CDK8: variants seen among roughly 807,000 people sequenced by gnomAD.
The protein encoded by CDK8 is cyclin dependent kinase 8.
CDK8 carries 29 observed loss-of-function variants against 71.5 expected under a neutral mutation model. The ratio of observed to expected loss-of-function variants is 0.41; its 90% CI spans 0.30 to 0.55. CDK8 has a LOEUF of 0.55. Among genes scored for constraint, CDK8 ranks in the 20% least tolerant of loss-of-function variants. CDK8 has a pLI of 0.37. For synonymous variants in CDK8, 161 were observed against 192.1 expected (o/e 0.84, Z 1.34); for missense variants, 288 against 572.6 (o/e 0.50, Z 5.07).
intron 2 of CDK8, among the ~76,000 whole-genome samples, chr13:26,348,341 C>T (rs955017354): frequency 5.9e-5 from 9 of 152,046 alleles, no homozygotes; most frequent in South Asian, 2.1e-4. Context: ...GGAATTGGGC[C>T]GTACAGCAGG....
intron 1 of CDK8, among the ~76,000 whole-genome samples, chr13:26,336,518 T>A (rs1408842140): frequency 6.6e-6 from 1 of 151,868 alleles, no homozygotes; most frequent in Non-Finnish European, 1.5e-5. Flanking sequence ...GAACAGCCAT[T>A]TAGGCCTCAG....
At chr13:26,369,066 T>G (rs1004774112) in intron 4 of CDK8, among the ~76,000 whole-genome samples, 2 of 152,184 alleles carry the variant, frequency 1.3e-5, no homozygotes, top group African/African-American at 2.4e-5. Context: ...ATCATGATTT[T>G]ATTAGCCTCA....
At chr13:26,341,074 T>C (rs889350430) in intron 2 of CDK8, among the ~76,000 whole-genome samples, 1 of 152,174 alleles carries the variant, frequency 6.6e-6, no homozygotes, top group African/African-American at 2.4e-5. Flanking sequence ...GGAGCAGAGG[T>C]AAAGCTCTGG....
At chr13:26,325,561 G>A (rs755513994) in intron 1 of CDK8, among the ~76,000 whole-genome samples, 18 of 152,258 alleles carry the variant, frequency 1.2e-4, no homozygotes, top group South Asian at 4.1e-4. Context: ...AAAAGAGCAA[G>A]TTCTTTATAG....
intron 2 of CDK8, among the ~76,000 whole-genome samples, chr13:26,347,633 T>A (rs909344712): frequency 4.6e-5 from 7 of 152,216 alleles, no homozygotes; most frequent in Admixed American, 4.6e-4. Context: ...ACATACTAAA[T>A]AGACATTTCT....
chr13:26,368,670 G>T (rs1874510266), intron 4 of CDK8, among the ~76,000 whole-genome samples: 1 of 152,162 alleles, frequency 6.6e-6, no homozygotes, highest in African/African-American at 2.4e-5. Flanking sequence ...TAATAGAAGT[G>T]ACTTATTTCT....
Position 26,404,478 on chromosome 13 carries a change from C to G in CDK8, c.*397C>G, listed in dbSNP as rs1433239104. ...CATTATCTGACCAATAGTACACACACAGACACAAAGTTTAACTGGTACTTG... is the reference window on the plus strand; with the variant it reads ...CATTATCTGACCAATAGTACACACAGAGACACAAAGTTTAACTGGTACTTG... On this transcript the variant is annotated 3_prime_UTR_variant, in exon 13 of 13. Transcript: ENST00000381527. The G allele has an allele frequency of 8.1e-6, 2 of 246,240 alleles. No homozygotes were observed. Among genetic ancestry groups the G allele is most frequent in the Non-Finnish European group, 1.6e-5 (2 of 125,636 alleles). The allele number at this position is 246,240 out of a possible 1,614,324, so 15.3% of individuals were successfully genotyped here.
intron 1 of CDK8, among the ~76,000 whole-genome samples, chr13:26,293,373 C>A (rs1017041817): frequency 2.0e-5 from 3 of 152,002 alleles, no homozygotes; most frequent in Admixed American, 6.6e-5. Context: ...GCGGCCAAGG[C>A]GGGTGGATTG....
intron 4 of CDK8, among the ~76,000 whole-genome samples, chr13:26,357,558 G>A (rs899680980): frequency 6.6e-6 from 1 of 152,156 alleles, no homozygotes; most frequent in Non-Finnish European, 1.5e-5. Flanking sequence ...AGGGAAAATA[G>A]TTTGACTACC....
At chr13:26,322,881 A>G (rs2137950201) in intron 1 of CDK8, among the ~76,000 whole-genome samples, 1 of 152,272 alleles carries the variant, frequency 6.6e-6, no homozygotes. Context: ...TGTCGATTTT[A>G]TATATCTTTG....
intron 1 of CDK8, among the ~76,000 whole-genome samples, chr13:26,317,777 T>C (rs977829016): frequency 2.0e-5 from 3 of 152,024 alleles, no homozygotes; most frequent in African/African-American, 4.8e-5. Context: ...CCAAAACTTA[T>C]GGGACACAGC....
At chr13:26,369,615 G>A (rs1473868478) in intron 4 of CDK8, among the ~76,000 whole-genome samples, 11 of 137,170 alleles carry the variant, frequency 8.0e-5, no homozygotes, top group African/African-American at 2.5e-4. Context: ...TGCAAGCTCC[G>A]CTTCCTGGGT....
At chr13:26,366,039 A>AG (rs1874373275) in intron 4 of CDK8, among the ~76,000 whole-genome samples, 1 of 152,072 alleles carries the variant, frequency 6.6e-6, no homozygotes, top group African/African-American at 2.4e-5. Context: ...TTTTAGAGTT[A>AG]TTTTCCAGAC....
intron 6 of CDK8, among the ~76,000 whole-genome samples, chr13:26,392,324 C>CTTTTTTTTTT (rs5802374): frequency 1.0e-5 from 1 of 100,340 alleles, no homozygotes; most frequent in African/African-American, 3.9e-5. Flanking sequence ...ATTTATAACC[C>CTTTTTTTTTT]TTTTTTTTTT....
chr13:26,331,969 T>C (rs1186533823), intron 1 of CDK8, among the ~76,000 whole-genome samples: 1 of 152,168 alleles, frequency 6.6e-6, no homozygotes, highest in Non-Finnish European at 1.5e-5. Context: ...CTTTTGTTTA[T>C]GTCATCTTTA....
chr13:26,337,439 A>G (rs959798657), intron 1 of CDK8, 128 bp from the exon 2 acceptor site: 8 of 339,412 alleles, frequency 2.4e-5, no homozygotes, highest in Non-Finnish European at 2.1e-5. Flanking sequence ...CTTGTACGAC[A>G]TTGTATGATT....
At chr13:26,367,125 C>G (rs1428062797) in intron 4 of CDK8, among the ~76,000 whole-genome samples, 1 of 152,150 alleles carries the variant, frequency 6.6e-6, no homozygotes, top group Non-Finnish European at 1.5e-5. Context: ...CCTTTGGGCC[C>G]TCTCTTCCTT....
chr13:26,392,756 G>A (rs1875810291), intron 6 of CDK8, among the ~76,000 whole-genome samples: 1 of 152,106 alleles, frequency 6.6e-6, no homozygotes, highest in Non-Finnish European at 1.5e-5. Flanking sequence ...CTTTGTTAAA[G>A]TAGAAATGCT....
chr13:26,326,136 T>C (rs1385157755), intron 1 of CDK8, among the ~76,000 whole-genome samples: 6 of 152,324 alleles, frequency 3.9e-5, no homozygotes, highest in Non-Finnish European at 8.8e-5. Flanking sequence ...AAGTATGACA[T>C]CATAGGGGTA....
Sources: gnomAD v4.1 joint callset for allele counts (sites outside exome capture counted in the v4.1 genomes callset) on GRCh38, gnomAD v4.1.1 for gene constraint, MANE v1.5 for transcripts, NCBI Gene and HGNC (gene_info 2026-07-23, HGNC 2026-07-21) for gene names.